FRMD4B: variants seen among roughly 807,000 people sequenced by gnomAD.
FRMD4B encodes FERM domain-containing protein 4B.
FRMD4B carries 74 observed loss-of-function variants against 141.5 expected under a neutral mutation model. The observed-to-expected ratio is 0.52, with a 90% confidence interval of 0.43 to 0.63. The LOEUF (loss-of-function observed/expected upper bound fraction) is 0.63. Ranked by LOEUF, FRMD4B falls within the 30% of genes least tolerant of loss-of-function variation. FRMD4B has a pLI of 0.00. For missense variants in FRMD4B, 1,366 were observed against 1,253.4 expected (o/e 1.09, Z -1.36); for synonymous variants, 506 against 467.9 (o/e 1.08, Z -1.05).
chr3:69,203,294 T>C (rs912566578), intron 11 of FRMD4B, among the ~76,000 whole-genome samples: 3 of 114,166 alleles, frequency 2.6e-5, no homozygotes, highest in Non-Finnish European at 4.9e-5. Flanking sequence ...GGTTCCTAAA[T>C]ATCTGAGGGT....
At chr3:69,323,608 G>GTGTATA (rs1263800285) in intron 1 of FRMD4B, among the ~76,000 whole-genome samples, 3 of 101,698 alleles carry the variant, frequency 2.9e-5, no homozygotes, top group Admixed American at 1.0e-4. Context: ...CTCTCTCTGT[G>GTGTATA]TATATATATA....
intron 5 of FRMD4B, among the ~76,000 whole-genome samples, chr3:69,259,318 A>T (rs146938452): frequency 0.012 from 1,832 of 152,310 alleles, 38 homozygotes; most frequent in African/African-American, 0.042. Context: ...GAGCGGCTGT[A>T]AATACAGATG....
chr3:69,515,518 T>C lies in FRMD4B; in HGVS notation c.-129+26688A>G, dbSNP rs946834990. On this transcript the variant is annotated intron_variant, in intron 1 of 5. Coordinates refer to the FRMD4B transcript ENST00000459638. ...TCAGTATGGACTCATGGGTATTTTA[T>C]TCTTTGGGTTATAATTCAATACTAT... Among the ~76,000 whole-genome samples the C allele has an allele frequency of 4.6e-5, 7 of 152,342 alleles. No individual in the cohort carries two copies. The South Asian group carries it at 1.0e-3, about 23-fold the overall frequency.
At chr3:69,336,299 G>T (rs1190933660) in intron 1 of FRMD4B, among the ~76,000 whole-genome samples, 1 of 152,158 alleles carries the variant, frequency 6.6e-6, no homozygotes, top group Non-Finnish European at 1.5e-5. Context: ...AATAGAGAGT[G>T]GCACCCGGCA....
intron 1 of FRMD4B, among the ~76,000 whole-genome samples, chr3:69,330,290 T>A (rs1413645939): frequency 4.7e-5 from 7 of 147,384 alleles, no homozygotes; most frequent in African/African-American, 1.3e-4. Context: ...TTTTTTTTTT[T>A]AATATTATAT....
rs80063968 is a variant in FRMD4B at position 69,529,318 on chromosome 3, T to C, written c.-129+12888A>G. Among the ~76,000 whole-genome samples, 409 of 152,302 alleles carry C rather than the reference T, an allele frequency of 2.7e-3. 3 individuals are homozygous for C. The highest frequency in any genetic ancestry group is 9.2e-3 in the African/African-American group (382 of 41,568). On this transcript the variant is annotated intron_variant, in intron 1 of 5. Coordinates refer to the FRMD4B transcript ENST00000459638. ...TGATTCAAATATTTTAAAAACAGTC[T>C]AGGGAATAACCAAGCATGTCTATAG...
intron 22 of FRMD4B, among the ~76,000 whole-genome samples, chr3:69,174,119 A>G (rs1042350055): frequency 6.9e-6 from 1 of 144,596 alleles, no homozygotes; most frequent in African/African-American, 2.5e-5. Context: ...CTTGGGCAAC[A>G]GAACAAGGCT....
chr3:69,327,669 G>A (rs907941110), intron 1 of FRMD4B, among the ~76,000 whole-genome samples: 39 of 152,122 alleles, frequency 2.6e-4, no homozygotes, highest in Middle Eastern at 3.2e-3. Context: ...TAAAACAAAC[G>A]GATTGTATTA....
chr3:69,471,973 C>T (rs1705899995), intron 1 of FRMD4B: 1 of 151,090 alleles, frequency 6.6e-6, no homozygotes, highest in Non-Finnish European at 1.4e-5. Flanking sequence ...ACTTTCTCCC[C>T]TCACTGGTGA....
chr3:69,512,949 A>T (rs1706712533), intron 1 of FRMD4B, among the ~76,000 whole-genome samples: 1 of 152,218 alleles, frequency 6.6e-6, no homozygotes, highest in South Asian at 2.1e-4. Context: ...GTAAATGCAT[A>T]TATTAAAAAA....
chr3:69,348,676 C>A (rs1443548731), intron 1 of FRMD4B, among the ~76,000 whole-genome samples: 1 of 152,156 alleles, frequency 6.6e-6, no homozygotes, highest in East Asian at 1.9e-4. Context: ...AAGGCTGGTA[C>A]AACATATGCA....
chr3:69,515,465 T>C (rs779294253), intron 1 of FRMD4B, among the ~76,000 whole-genome samples: 2 of 152,220 alleles, frequency 1.3e-5, no homozygotes, highest in African/African-American at 2.4e-5. Context: ...CTCCCCAATT[T>C]ATTTACGTAT....
At chr3:69,461,409 A>G (rs1424456012) in intron 1 of FRMD4B, among the ~76,000 whole-genome samples, 3 of 151,782 alleles carry the variant, frequency 2.0e-5, no homozygotes, top group Non-Finnish European at 4.4e-5. Context: ...AAATAAATAA[A>G]TCAATAAATA....
chr3:69,227,829 G>C (rs2093269113), intron 7 of FRMD4B, among the ~76,000 whole-genome samples: 1 of 151,912 alleles, frequency 6.6e-6, no homozygotes, highest in Admixed American at 6.6e-5. Flanking sequence ...ACAACACAAA[G>C]AGTGAACCCT....
intron 1 of FRMD4B, among the ~76,000 whole-genome samples, chr3:69,532,230 T>C (rs566212686): frequency 6.6e-6 from 1 of 152,252 alleles, no homozygotes; most frequent in African/African-American, 2.4e-5. Flanking sequence ...ACTCTCTTAA[T>C]GTTTTGAGAT....
intron 1 of FRMD4B, among the ~76,000 whole-genome samples, chr3:69,474,527 T>C (rs1189045138): frequency 6.6e-6 from 1 of 152,134 alleles, no homozygotes; most frequent in Non-Finnish European, 1.5e-5. Flanking sequence ...AGGGAAACAG[T>C]GGAGTTCCTG....
intron 2 of FRMD4B, among the ~76,000 whole-genome samples, chr3:69,431,862 G>A (rs980791520): frequency 5.9e-5 from 9 of 152,154 alleles, no homozygotes; most frequent in African/African-American, 2.2e-4. Flanking sequence ...TTTTACTCAC[G>A]TGCAGTTCAT....
At chr3:69,244,703 G>A (rs1436018158) in intron 7 of FRMD4B, among the ~76,000 whole-genome samples, 1 of 151,968 alleles carries the variant, frequency 6.6e-6, no homozygotes, top group Non-Finnish European at 1.5e-5. Flanking sequence ...AGACCAGCCT[G>A]GACAACATGG....
At chr3:69,210,134 G>A (rs898220541) in intron 11 of FRMD4B, among the ~76,000 whole-genome samples, 1 of 152,226 alleles carries the variant, frequency 6.6e-6, no homozygotes, top group Non-Finnish European at 1.5e-5. Flanking sequence ...CTGTGGTGAT[G>A]AAGTTCACCT....
Sources: allele counts gnomAD v4.1 joint callset (sites outside exome capture counted in the v4.1 genomes callset), GRCh38; gene constraint gnomAD v4.1.1; transcripts MANE v1.5; gene names NCBI Gene and HGNC (gene_info 2026-07-23, HGNC 2026-07-21).